The following ROBO1 variants were observed in gnomAD, a reference collection of about 807,000 sequenced individuals.
The protein encoded by ROBO1 is roundabout guidance receptor 1.
Under a neutral mutation model 195.9 loss-of-function variants are expected in ROBO1, and 149 were observed. That is an observed-to-expected ratio of 0.76 (90% CI 0.67 to 0.87). The LOEUF is 0.87. ROBO1 is among the 40% of genes least tolerant of loss of function. The pLI, the probability that ROBO1 is intolerant of heterozygous loss-of-function variation, is 0.00. For synonymous variants in ROBO1, 816 were observed against 733.2 expected (o/e 1.11, Z -1.82); for missense variants, 1,933 against 2,068.3 (o/e 0.93, Z 1.27).
intron 2 of ROBO1, among the ~76,000 whole-genome samples, chr3:79,586,939 GAAAAACATCTACCA>G (rs932879049): frequency 6.6e-6 from 1 of 151,760 alleles, no homozygotes; most frequent in Non-Finnish European, 1.5e-5. Context: ...AAATTAACAT[GAAAAACATCTACCA>G]GTGGTTTTCA....
At chr3:79,442,738 C>G (rs962240705) in intron 2 of ROBO1, among the ~76,000 whole-genome samples, 2 of 152,110 alleles carry the variant, frequency 1.3e-5, no homozygotes, top group Non-Finnish European at 2.9e-5. Flanking sequence ...AAATCAGCTT[C>G]AAAACTTTCA....
chr3:79,597,089 G>A (rs1014926197), intron 1 of ROBO1, among the ~76,000 whole-genome samples: 18 of 151,754 alleles, frequency 1.2e-4, no homozygotes, highest in Admixed American at 1.1e-3. Flanking sequence ...GCTAGGAAAT[G>A]GAAAACTTAA....
At chr3:79,359,277 A>G (rs1201521504) in intron 2 of ROBO1, among the ~76,000 whole-genome samples, 1 of 151,788 alleles carries the variant, frequency 6.6e-6, no homozygotes, top group Non-Finnish European at 1.5e-5. Context: ...TCAAAAACAT[A>G]CCTCACTCTT....
chr3:79,713,702 T>C (rs1415061912), intron 1 of ROBO1, among the ~76,000 whole-genome samples: 5 of 152,190 alleles, frequency 3.3e-5, no homozygotes, highest in Non-Finnish European at 5.9e-5. Flanking sequence ...GCCTAGGTTT[T>C]CTTCTAGGGT....
intron 3 of ROBO1, among the ~76,000 whole-genome samples, chr3:79,023,896 G>C (rs13100617): frequency 2.0e-5 from 3 of 148,990 alleles, no homozygotes; most frequent in African/African-American, 7.4e-5. Flanking sequence ...ATTTTTAGTA[G>C]AGACGGGGTT....
rs867240593 is a variant in ROBO1 at position 79,124,099 on chromosome 3, T to C, written c.172+1357A>G. On this transcript the variant is annotated intron_variant, in intron 3 of 30. Coordinates refer to ENST00000464233, the MANE Select transcript of ROBO1 (RefSeq NM_002941.4). ...AAAGAATACTACCTTGGATTCCTCC[T>C]TTCACAAATATGAACTTCTTTGGTA... is the stretch of plus-strand genomic sequence containing the variant. Among the ~76,000 whole-genome samples the C allele has an allele frequency of 3.3e-5, 5 of 152,206 alleles. No homozygotes were observed. In the South Asian group the frequency reaches 8.3e-4, roughly 25 times the overall value.
In ROBO1 at chr3:78,941,833, A is replaced by G. The variant is rs551598389; in HGVS notation, c.173-2906T>C. Reference sequence around the variant, plus strand: ...TAAATAACTTCTTGGGCTTTGTACAATGAGCCACAGTTTTGGAACCCAGTG... The same window carrying G: ...TAAATAACTTCTTGGGCTTTGTACAGTGAGCCACAGTTTTGGAACCCAGTG... On this transcript the variant is annotated intron_variant, in intron 3 of 30. Coordinates refer to ENST00000464233, the MANE Select transcript of ROBO1 (RefSeq NM_002941.4). Among the ~76,000 whole-genome samples, 10 of 152,316 alleles carry G rather than the reference A, an allele frequency of 6.6e-5. No individual in the cohort carries two copies. In the South Asian group the frequency reaches 2.1e-3, roughly 32 times the overall value.
chr3:78,778,797 T>C (rs558612461), intron 4 of ROBO1, among the ~76,000 whole-genome samples: 1 of 152,272 alleles, frequency 6.6e-6, no homozygotes, highest in African/African-American at 2.4e-5. Context: ...AGAGCCCACA[T>C]AGCCAAGACA....
chr3:79,453,753 G>T (rs941368029), intron 2 of ROBO1, among the ~76,000 whole-genome samples: 1 of 152,064 alleles, frequency 6.6e-6, no homozygotes, highest in Non-Finnish European at 1.5e-5. Context: ...AAAGGGCCAG[G>T]CCAGAATAGG....
chr3:79,435,917 A>G (rs1488798787), intron 2 of ROBO1, among the ~76,000 whole-genome samples: 1 of 152,074 alleles, frequency 6.6e-6, no homozygotes, highest in East Asian at 1.9e-4. Context: ...GTTTCCTTCA[A>G]TTTTCCTATA....
At chr3:79,054,323 A>G (rs2078761772) in intron 3 of ROBO1, among the ~76,000 whole-genome samples, 1 of 152,150 alleles carries the variant, frequency 6.6e-6, no homozygotes, top group South Asian at 2.1e-4. Flanking sequence ...ATGCTGAACT[A>G]TACCCTGATT....
intron 1 of ROBO1, among the ~76,000 whole-genome samples, chr3:79,754,464 T>G (rs1704279787): frequency 6.6e-6 from 1 of 152,210 alleles, no homozygotes. Flanking sequence ...CTTGTTCATT[T>G]TAAGACGGTA....
chr3:79,020,119 A>AT (rs1032861310), intron 3 of ROBO1, among the ~76,000 whole-genome samples: 1 of 152,156 alleles, frequency 6.6e-6, no homozygotes, highest in Non-Finnish European at 1.5e-5. Context: ...TGGGGATGTA[A>AT]TTTTAAGAGA....
intron 4 of ROBO1, among the ~76,000 whole-genome samples, chr3:78,886,028 C>T (rs1259517567): frequency 6.1e-5 from 9 of 146,962 alleles, no homozygotes; most frequent in Admixed American, 2.7e-4. Context: ...TTTTGTAAAA[C>T]GTCTTCTAAC....
At chr3:79,314,583 C>T (rs1367221752) in intron 2 of ROBO1, among the ~76,000 whole-genome samples, 1 of 152,174 alleles carries the variant, frequency 6.6e-6, no homozygotes, top group Non-Finnish European at 1.5e-5. Context: ...TATAAATGAC[C>T]CAGTCTTGGG....
chr3:79,181,796 G>A (rs1327258910), intron 2 of ROBO1, among the ~76,000 whole-genome samples: 3 of 151,782 alleles, frequency 2.0e-5, no homozygotes, highest in African/African-American at 7.3e-5. Context: ...GCATACTGGT[G>A]GTGACAGTAG....
At chr3:79,410,176 C>T (rs2037709263) in intron 2 of ROBO1, among the ~76,000 whole-genome samples, 1 of 152,130 alleles carries the variant, frequency 6.6e-6, no homozygotes, top group Non-Finnish European at 1.5e-5. Context: ...TCAGTTTCCT[C>T]ATCTTTAAAT....
At chr3:79,578,212 GATAC>G (rs1370350831) in intron 2 of ROBO1, among the ~76,000 whole-genome samples, 1 of 152,116 alleles carries the variant, frequency 6.6e-6, no homozygotes, top group African/African-American at 2.4e-5. Flanking sequence ...TATGAAAAAT[GATAC>G]ATAAACAGTT....
chr3:79,041,669 A>C (rs1413605271), intron 3 of ROBO1, among the ~76,000 whole-genome samples: 2 of 152,158 alleles, frequency 1.3e-5, no homozygotes, highest in Non-Finnish European at 2.9e-5. Flanking sequence ...CTTTTTCCAA[A>C]AGGAGATGCT....
Sources: gnomAD v4.1 joint callset for allele counts (sites outside exome capture counted in the v4.1 genomes callset) on GRCh38, gnomAD v4.1.1 for gene constraint, MANE v1.5 for transcripts, NCBI Gene and HGNC (gene_info 2026-07-23, HGNC 2026-07-21) for gene names.